Variants in PEAK1 observed in about 807,000 individuals in gnomAD.
PEAK1 encodes the protein inactive tyrosine-protein kinase PEAK1.
In PEAK1, 54 loss-of-function variants were observed where a neutral mutation model predicts 124.7. That is an observed-to-expected ratio of 0.43 (90% CI 0.35 to 0.54). The LOEUF (loss-of-function observed/expected upper bound fraction) is 0.54, where lower values mean the gene tolerates loss of function less well. PEAK1 is among the 20% of genes least tolerant of loss of function. The pLI, the probability that PEAK1 is intolerant of heterozygous loss-of-function variation, is 0.01. For synonymous variants in PEAK1, 719 were observed against 760.0 expected (o/e 0.95, Z 0.89); for missense variants, 2,046 against 2,134.5 (o/e 0.96, Z 0.82).
At chr15:77,329,457 C>T (rs1460447265) in intron 2 of PEAK1, among the ~76,000 whole-genome samples, 1 of 152,132 alleles carries the variant, frequency 6.6e-6, no homozygotes, top group African/African-American at 2.4e-5. Context: ...CTGAATTCCA[C>T]CCTGAATTTT....
chr15:77,155,097 T>C (rs2055005219), intron 8 of PEAK1: 1 of 152,216 alleles, frequency 6.6e-6, no homozygotes, highest in Non-Finnish European at 1.5e-5. Flanking sequence ...TTGGTTCCAT[T>C]CTCCCTGTCA....
chr15:77,274,648 A>G (rs1290783806), intron 5 of PEAK1, among the ~76,000 whole-genome samples: 4 of 152,068 alleles, frequency 2.6e-5, no homozygotes, highest in Admixed American at 6.6e-5. Context: ...ACTCATAATC[A>G]AAAAATAAAA....
intron 6 of PEAK1, among the ~76,000 whole-genome samples, chr15:77,250,243 A>ACACATATATATGTATATG: frequency 1.2e-5 from 1 of 86,366 alleles, no homozygotes; most frequent in Non-Finnish European, 2.8e-5. Context: ...GTATATGTAT[A>ACACATATATATGTATATG]TATATATATA....
intron 6 of PEAK1, among the ~76,000 whole-genome samples, chr15:77,193,548 C>T (rs1306320180): frequency 2.0e-5 from 3 of 152,136 alleles, no homozygotes; most frequent in Non-Finnish European, 4.4e-5. Context: ...CCGCAATTAC[C>T]CTTTTAAAAA....
intron 6 of PEAK1, among the ~76,000 whole-genome samples, chr15:77,228,451 A>G (rs1354526551): frequency 6.6e-6 from 1 of 152,186 alleles, no homozygotes; most frequent in Non-Finnish European, 1.5e-5. Flanking sequence ...GCAGGACTTC[A>G]TTTAATAAAG....
chr15:77,258,728 G>C (rs575868371), intron 5 of PEAK1, among the ~76,000 whole-genome samples: 1 of 152,166 alleles, frequency 6.6e-6, no homozygotes, highest in African/African-American at 2.4e-5. Context: ...TCCTTCTCCT[G>C]CCTGATTGCC....
chr15:77,325,190 G>A (rs1296897263), intron 2 of PEAK1, among the ~76,000 whole-genome samples: 1 of 152,128 alleles, frequency 6.6e-6, no homozygotes, highest in African/African-American at 2.4e-5. Flanking sequence ...AGGCCAAGGT[G>A]GGAGAATTGC....
chr15:77,243,401 C>T (rs2060442448), intron 6 of PEAK1, among the ~76,000 whole-genome samples: 1 of 152,180 alleles, frequency 6.6e-6, no homozygotes, highest in African/African-American at 2.4e-5. Flanking sequence ...TAAAACACAG[C>T]CATCTTCATT....
intron 5 of PEAK1, among the ~76,000 whole-genome samples, chr15:77,277,146 A>G (rs529443808): frequency 6.6e-6 from 1 of 152,344 alleles, no homozygotes; most frequent in East Asian, 1.9e-4. Flanking sequence ...TATATCAGCA[A>G]TAAATAGGAA....
chr15:77,388,108 C>A (rs1043174081), intron 1 of PEAK1, among the ~76,000 whole-genome samples: 1 of 152,060 alleles, frequency 6.6e-6, no homozygotes, highest in Admixed American at 6.6e-5. Flanking sequence ...GCAGGAGGAT[C>A]GCTTGAGCCC....
At position 77,114,224 on chromosome 15, in the gene PEAK1, C is replaced by G; in HGVS notation, c.5173G>C (p.Ala1725Pro). The G allele has an allele frequency of 1.2e-6, 2 of 1,614,206 alleles. No homozygotes were observed. The highest frequency in any genetic ancestry group is 2.2e-5 in the South Asian group (2 of 91,084). The change falls in exon 10 of 10, where the codon GCT becomes CCT. Residue 1725 changes from alanine (A) to proline (P), a missense_variant. Physicochemically the swap from Ala to Pro is conservative, Grantham distance 27. Coordinates refer to ENST00000682557, the MANE Select transcript of PEAK1 (RefSeq NM_001385026.1). ...GGISLEDWLC[A>P]QYLAFATTDS... Reference sequence around the variant, plus strand: ...GTAGTGGCAAAAGCCAAATACTGAGCACAAAGCCAGTCCTCAAGGCTGATT... The same window carrying G: ...GTAGTGGCAAAAGCCAAATACTGAGGACAAAGCCAGTCCTCAAGGCTGATT...
chr15:77,349,538 G>A, intron 2 of PEAK1: 2 of 983,722 alleles, frequency 2.0e-6, no homozygotes, highest in Non-Finnish European at 2.4e-6. Flanking sequence ...CTTTTATTCT[G>A]TTTGTTCATA....
chr15:77,147,438 T>C (rs1465081211), intron 8 of PEAK1, among the ~76,000 whole-genome samples: 1 of 152,198 alleles, frequency 6.6e-6, no homozygotes, highest in Non-Finnish European at 1.5e-5. Flanking sequence ...ATATGAGTAC[T>C]TGATTACAAA....
In PEAK1 at chr15:77,181,665, C is replaced by T. The variant is rs376180048; in HGVS notation, c.262G>A (p.Glu88Lys). Residue 88 changes from glutamate (E) to lysine (K), a missense_variant, in exon 7 of 10, where the codon GAG becomes AAG. Transcript: ENST00000682557. ...TCACAGTGTTCTTGGATGCTAAGCT[C>T]ACCACATATACTTTGCCCATCTGCC... ...IVADGQSICG[E>K]LSIQEHCENK... The T allele has an allele frequency of 1.8e-5, 29 of 1,614,000 alleles. No individual in the cohort carries two copies. The highest frequency in any genetic ancestry group is 2.4e-5 in the Non-Finnish European group (28 of 1,180,020).
At chr15:77,364,162 G>A (rs764690848) in intron 2 of PEAK1, among the ~76,000 whole-genome samples, 29 of 152,160 alleles carry the variant, frequency 1.9e-4, no homozygotes, top group East Asian at 7.7e-4. Flanking sequence ...TGTTGCCACC[G>A]CACTCCAGCT....
chr15:77,383,999 G>T lies in PEAK1; in HGVS notation c.-665-18774C>A, dbSNP rs576131280. Reference sequence around the variant, plus strand: ...AAACACCAGTCAACTTGAATCAAAAGATTAAACTCTAACAAAATGATTTAC... The same window carrying T: ...AAACACCAGTCAACTTGAATCAAAATATTAAACTCTAACAAAATGATTTAC... On this transcript the variant is annotated intron_variant, in intron 1 of 9. Coordinates refer to ENST00000682557, the MANE Select transcript of PEAK1 (RefSeq NM_001385026.1). Among the ~76,000 whole-genome samples the T allele has an allele frequency of 2.6e-5, 4 of 152,154 alleles. No individual in the cohort carries two copies. In the South Asian group the frequency reaches 6.2e-4, roughly 24 times the overall value.
At position 77,179,262 on chromosome 15, in the gene PEAK1, G is replaced by C; in HGVS notation, c.2665C>G (p.His889Asp). Reference protein sequence around the residue: ...PYHAGNLLQRHFTNWTKPTSP... With the variant: ...PYHAGNLLQRDFTNWTKPTSP... ...GTTGGCTTGGTCCAGTTGGTGAAATGCCTCTGCAAAAGGTTACCTGCATGG... is the reference window on the plus strand; with the variant it reads ...GTTGGCTTGGTCCAGTTGGTGAAATCCCTCTGCAAAAGGTTACCTGCATGG... The change falls in exon 7 of 10, where the codon CAT becomes GAT. Residue 889 changes from histidine (H) to aspartate (D), a missense_variant. His to Asp is a moderately conservative substitution (Grantham distance 81). Transcript: ENST00000682557. 8 of 1,614,138 alleles carry C rather than the reference G, an allele frequency of 5.0e-6. No individual in the cohort carries two copies. Among genetic ancestry groups the C allele is most frequent in the Non-Finnish European group, 6.8e-6 (8 of 1,180,024 alleles).
intron 6 of PEAK1, among the ~76,000 whole-genome samples, chr15:77,185,816 GA>G (rs375184266): frequency 3.3e-5 from 5 of 152,006 alleles, no homozygotes; most frequent in African/African-American, 1.2e-4. Flanking sequence ...GTGAGAGGCT[GA>G]AAAAACAGGA....
intron 6 of PEAK1, among the ~76,000 whole-genome samples, chr15:77,196,839 C>CTTAA (rs754314402): frequency 2.0e-5 from 3 of 152,084 alleles, no homozygotes; most frequent in East Asian, 1.9e-4. Context: ...TCTAAGACAG[C>CTTAA]TTAATTAATT....
Sources: gnomAD v4.1 joint callset for allele counts (sites outside exome capture counted in the v4.1 genomes callset) on GRCh38, gnomAD v4.1.1 for gene constraint, MANE v1.5 for transcripts, NCBI Gene and HGNC (gene_info 2026-07-23, HGNC 2026-07-21) for gene names.